Variants in FHIP1A observed in about 807,000 individuals in gnomAD.
FHIP1A encodes FHF complex subunit HOOK-interacting protein 1A.
Under a neutral mutation model 88.6 loss-of-function variants are expected in FHIP1A, and 61 were observed. The ratio of observed to expected loss-of-function variants is 0.69; its 90% CI spans 0.56 to 0.85. The LOEUF (loss-of-function observed/expected upper bound fraction) is 0.85. FHIP1A is among the 40% of genes least tolerant of loss of function. The pLI is 0.00. For missense variants in FHIP1A, 1,154 were observed against 1,273.5 expected (o/e 0.91, Z 1.43); for synonymous variants, 478 against 496.0 (o/e 0.96, Z 0.48).
chr4:151,465,969 G>A (rs1561507653), intron 2 of FHIP1A, among the ~76,000 whole-genome samples: 2 of 152,100 alleles, frequency 1.3e-5, no homozygotes, highest in Admixed American at 1.3e-4. Flanking sequence ...CACATGACAA[G>A]GATGGCCTCT....
intron 3 of FHIP1A, among the ~76,000 whole-genome samples, chr4:151,501,070 A>G (rs1730634185): frequency 1.3e-5 from 2 of 152,212 alleles, no homozygotes; most frequent in African/African-American, 4.8e-5. Context: ...AGATAACAAA[A>G]TACTCTGTTT....
intron 1 of FHIP1A, among the ~76,000 whole-genome samples, chr4:151,409,963 A>G (rs1003714487): frequency 6.6e-6 from 1 of 152,062 alleles, no homozygotes; most frequent in Non-Finnish European, 1.5e-5. Flanking sequence ...CTGTTGCTCA[A>G]TTTCGTAAAT....
chr4:151,419,021 C>T (rs1237408428), intron 1 of FHIP1A, among the ~76,000 whole-genome samples: 2 of 152,140 alleles, frequency 1.3e-5, no homozygotes, highest in Admixed American at 1.3e-4. Flanking sequence ...AATGACTCAA[C>T]TCAAGGCGTG....
intron 3 of FHIP1A, among the ~76,000 whole-genome samples, chr4:151,494,202 G>A (rs1004168894): frequency 6.6e-6 from 1 of 152,020 alleles, no homozygotes; most frequent in African/African-American, 2.4e-5. Flanking sequence ...TTTTTGCTGT[G>A]CAGTTGCAAT....
chr4:151,473,891 T>A (rs1729611333), intron 2 of FHIP1A, among the ~76,000 whole-genome samples: 2 of 152,208 alleles, frequency 1.3e-5, no homozygotes, highest in Non-Finnish European at 2.9e-5. Flanking sequence ...AGAGTCAGGC[T>A]CTATATAGGG....
intron 3 of FHIP1A, among the ~76,000 whole-genome samples, chr4:151,552,818 G>A (rs1399401788): frequency 1.5e-5 from 2 of 137,640 alleles, no homozygotes; most frequent in African/African-American, 2.7e-5. Context: ...AGAACTTAAA[G>A]TATAATTAAA....
At chr4:151,517,733 T>C (rs1731297669) in intron 3 of FHIP1A, among the ~76,000 whole-genome samples, 1 of 152,142 alleles carries the variant, frequency 6.6e-6, no homozygotes, top group Non-Finnish European at 1.5e-5. Flanking sequence ...ATTCTGACCA[T>C]GTGCAAGCCT....
intron 3 of FHIP1A, among the ~76,000 whole-genome samples, chr4:151,533,728 G>A (rs1731967823): frequency 1.3e-5 from 2 of 152,336 alleles, no homozygotes; most frequent in African/African-American, 2.4e-5. Context: ...GGTAGCCTCC[G>A]GGAGTTCTGA....
At chr4:151,628,628 A>T (rs144300851) in intron 7 of FHIP1A, among the ~76,000 whole-genome samples, 79 of 152,344 alleles carry the variant, frequency 5.2e-4, no homozygotes, top group African/African-American at 1.8e-3. Context: ...AGGGAAAATA[A>T]TCACTCAAAA....
rs887327134 is a variant in FHIP1A, at chr4:151,656,157, G to A, written c.2552-75G>A. On this transcript the variant is annotated intron_variant, in intron 11 of 13. Transcript: ENST00000435205. The surrounding 1 kb of genome is among the most constrained non-coding windows in gnomAD (Gnocchi z 4.2). ...ATGGTGGTTTGGGAGATGTGGCACCGATGGTTCTGCAATTGTCAGGGAAAG... is the reference window on the plus strand; with the variant it reads ...ATGGTGGTTTGGGAGATGTGGCACCAATGGTTCTGCAATTGTCAGGGAAAG... 5.7e-6 allele frequency: 7 copies of A among 1,223,916 alleles called. No individual in the cohort carries two copies. The highest frequency in any genetic ancestry group is 2.9e-5 in the South Asian group (2 of 69,554). The allele number at this position is 1,223,916 out of a possible 1,614,324, so 75.8% of individuals were successfully genotyped here. A position where few individuals can be genotyped will look rare whatever the true frequency, so the allele number is the denominator to read the frequency against.
At chr4:151,521,485 G>A (rs759592518) in intron 3 of FHIP1A, among the ~76,000 whole-genome samples, 6 of 152,016 alleles carry the variant, frequency 3.9e-5, no homozygotes, top group Non-Finnish European at 7.4e-5. Flanking sequence ...TTATTTAGTC[G>A]TCTCTGCGGT....
At chr4:151,551,266 T>A (rs919260271) in intron 3 of FHIP1A, among the ~76,000 whole-genome samples, 9 of 152,038 alleles carry the variant, frequency 5.9e-5, no homozygotes, top group African/African-American at 1.9e-4. Flanking sequence ...TGTACAAGTA[T>A]AACTAAGATT....
chr4:151,460,229 T>C (rs1561505127), intron 2 of FHIP1A, among the ~76,000 whole-genome samples: 1 of 152,188 alleles, frequency 6.6e-6, no homozygotes, highest in Non-Finnish European at 1.5e-5. Context: ...TTAAAGGTCT[T>C]CCTGTTATTA....
intron 7 of FHIP1A, among the ~76,000 whole-genome samples, chr4:151,626,996 G>C (rs1335628874): frequency 1.3e-5 from 2 of 152,198 alleles, no homozygotes; most frequent in Non-Finnish European, 2.9e-5. Flanking sequence ...GTTTCTGAAA[G>C]TAAGATAATG....
chr4:151,669,566 C>T lies in FHIP1A; in HGVS notation c.*6812C>T. 6.6e-6 allele frequency among the ~76,000 whole-genome samples: 1 copy of T among 152,158 alleles called. No homozygotes were observed. The highest frequency in any genetic ancestry group is 1.9e-4 in the East Asian group (1 of 5,196). On this transcript the variant is annotated 3_prime_UTR_variant, in exon 14 of 14. Transcript: ENST00000435205. ...TACAAAATAAAGATCCTGTCAGACT[C>T]CAGTCTCAGACCACCTTTGCCCATT...
At chr4:151,619,340 A>G (rs1735653266) in intron 7 of FHIP1A, among the ~76,000 whole-genome samples, 1 of 152,228 alleles carries the variant, frequency 6.6e-6, no homozygotes, top group African/African-American at 2.4e-5. Context: ...CAGAAAAGCT[A>G]ATAGAGAAGT....
intron 2 of FHIP1A, among the ~76,000 whole-genome samples, chr4:151,470,646 C>G (rs1247038291): frequency 6.6e-6 from 1 of 152,012 alleles, no homozygotes; most frequent in African/African-American, 2.4e-5. Context: ...TGGGGACATA[C>G]AAAATATCGG....
chr4:151,416,364 G>A (rs1367299096), intron 1 of FHIP1A, among the ~76,000 whole-genome samples: 1 of 151,982 alleles, frequency 6.6e-6, no homozygotes, highest in Non-Finnish European at 1.5e-5. Flanking sequence ...TATTTTGTTT[G>A]TGTTCATGGA....
intron 5 of FHIP1A, among the ~76,000 whole-genome samples, chr4:151,586,237 G>T (rs1734205864): frequency 6.6e-6 from 1 of 152,072 alleles, no homozygotes; most frequent in Admixed American, 6.6e-5. Flanking sequence ...TGCCTTCTCT[G>T]TATTTGCACT....
Sources: gnomAD v4.1 joint callset for allele counts (sites outside exome capture counted in the v4.1 genomes callset) on GRCh38, gnomAD v4.1.1 for gene constraint, Gnocchi (gnomAD v3.1) non-coding constraint, MANE v1.5 for transcripts, NCBI Gene and HGNC (gene_info 2026-07-23, HGNC 2026-07-21) for gene names.